The following APBA1 variants were observed in gnomAD, a reference collection of about 807,000 sequenced individuals.
The protein encoded by APBA1 is amyloid-beta A4 precursor protein-binding family A member 1.
A neutral mutation model predicts 86.6 loss-of-function variants in APBA1; 55 were observed. The ratio of observed to expected loss-of-function variants is 0.64; its 90% CI spans 0.51 to 0.80. The LOEUF is 0.80. APBA1 is among the 30% of genes least tolerant of loss of function. The pLI is 0.00. For missense variants in APBA1, 1,090 were observed against 1,183.0 expected, an observed-to-expected ratio of 0.92 and a Z score of 1.15; for synonymous variants, 511 against 493.9, an observed-to-expected ratio of 1.03 and a Z score of -0.46.
At chr9:69,566,216 T>C (rs1041344146) in intron 1 of APBA1, among the ~76,000 whole-genome samples, 7 of 152,246 alleles carry the variant, frequency 4.6e-5, no homozygotes, top group Admixed American at 4.6e-4. Context: ...TCCTGTTTTA[T>C]AGCACAGATT....
chr9:69,658,302 CTCTCTTTCTTTCTT>C lies in APBA1; in HGVS notation c.-70+13837_-70+13850del, dbSNP rs1564105005. On this transcript the variant is annotated intron_variant, in intron 1 of 12. Coordinates refer to ENST00000265381, the MANE Select transcript of APBA1 (RefSeq NM_001163.4). ...TTTCTTTCTCTCTCTCTTTCTCTCT[CTCTCTTTCTTTCTT>C]TCTTTCTTTCTTTCTTTCTTTCTTT... Among the ~76,000 whole-genome samples, 2 of 83,616 alleles carry C rather than the reference CTCTCTTTCTTTCTT, an allele frequency of 2.4e-5. 1 individual carries two copies. The highest frequency in any genetic ancestry group is 8.8e-5 in the African/African-American group (2 of 22,774). The allele number at this position is 83,616 out of a possible 152,430, so 54.9% of individuals were successfully genotyped here.
rs564422664 is a variant in APBA1 at position 69,651,478 on chromosome 9, A to AT, written c.-70+20674dup. On this transcript the variant is annotated intron_variant, in intron 1 of 12. Coordinates refer to ENST00000265381, the MANE Select transcript of APBA1 (RefSeq NM_001163.4). Reference sequence around the variant, plus strand: ...AGTAATTTAAATAATGACTGACTGTATTTTTTTTTTTCTTGAGACTGAGTT... The same window carrying AT: ...AGTAATTTAAATAATGACTGACTGTATTTTTTTTTTTTCTTGAGACTGAGTT... Among the ~76,000 whole-genome samples the AT allele has an allele frequency of 5.9e-3, 872 of 148,138 alleles. 1 individual carries two copies. Among genetic ancestry groups the AT allele is most frequent in the Middle Eastern group, 0.021 (6 of 282 alleles).
At chr9:69,506,365 TA>T (rs1164906352) in intron 2 of APBA1, among the ~76,000 whole-genome samples, 1 of 135,416 alleles carries the variant, frequency 7.4e-6, no homozygotes, top group Non-Finnish European at 1.6e-5. Context: ...CGGACCGGCT[TA>T]AAAAACCGCG....
chr9:69,575,047 GCTCAGACTA>G (rs1821758918), intron 1 of APBA1, among the ~76,000 whole-genome samples: 2 of 151,818 alleles, frequency 1.3e-5, no homozygotes, highest in Non-Finnish European at 2.9e-5. Context: ...CTCCCAAGTA[GCTCAGACTA>G]CAGGTGTGCA....
At chr9:69,637,460 T>A (rs1322409073) in intron 1 of APBA1, among the ~76,000 whole-genome samples, 2 of 152,220 alleles carry the variant, frequency 1.3e-5, no homozygotes, top group East Asian at 3.8e-4. Context: ...ATTGTATGGC[T>A]GTATCAAAAT....
chr9:69,493,563 A>G (rs999846582), intron 2 of APBA1, among the ~76,000 whole-genome samples: 1 of 152,126 alleles, frequency 6.6e-6, no homozygotes, highest in Non-Finnish European at 1.5e-5. Context: ...TAAAGATATA[A>G]TGCTACAGGA....
intron 1 of APBA1, among the ~76,000 whole-genome samples, chr9:69,613,636 A>G (rs146109631): frequency 6.6e-4 from 101 of 152,258 alleles, no homozygotes; most frequent in African/African-American, 1.9e-3. Flanking sequence ...CTCTGTTGAC[A>G]TGGCCTGACA....
chr9:69,448,327 G>A lies in APBA1; in HGVS notation c.2181+1257C>T, dbSNP rs191236231. 3.3e-5 allele frequency among the ~76,000 whole-genome samples: 5 copies of A among 152,376 alleles called. No individual in the cohort carries two copies. The East Asian group carries it at 9.6e-4, about 29-fold the overall frequency. The stretch of plus-strand genomic sequence containing the variant: ...CAGCTTCCTCAGAGCGCAGCTCAGT[G>A]CCTCACAGAGGCCCAATTAAACCTT... On this transcript the variant is annotated intron_variant, in intron 10 of 12. Transcript: ENST00000265381.
intron 1 of APBA1, among the ~76,000 whole-genome samples, chr9:69,654,789 T>C (rs780877645): frequency 2.6e-5 from 4 of 152,156 alleles, no homozygotes; most frequent in Non-Finnish European, 4.4e-5. Context: ...CTAATGAATA[T>C]AGATGCAATA....
chr9:69,665,161 A>AT (rs922079258), intron 1 of APBA1, among the ~76,000 whole-genome samples: 2 of 152,202 alleles, frequency 1.3e-5, no homozygotes, highest in East Asian at 3.9e-4. Flanking sequence ...GAAATGGTGG[A>AT]TAAAGACCCC....
intron 1 of APBA1, among the ~76,000 whole-genome samples, chr9:69,609,236 G>T (rs929368823): frequency 6.6e-6 from 1 of 152,138 alleles, no homozygotes; most frequent in Non-Finnish European, 1.5e-5. Flanking sequence ...TTATGTTTAA[G>T]AACCTGACAA....
At position 69,457,081 on chromosome 9, in the gene APBA1, C is replaced by A. The variant is rs767745301; in HGVS notation, c.1574G>T (p.Arg525Ile). The A allele has an allele frequency of 6.2e-7, 1 of 1,614,204 alleles. No homozygotes were observed. Among genetic ancestry groups the A allele is most frequent in the Admixed American group, 1.7e-5 (1 of 60,022 alleles). The change falls in exon 7 of 13, where the codon AGA becomes ATA. Residue 525 changes from arginine to isoleucine, a missense_variant. Around this residue, in one of 6 missense-constraint regions of APBA1, gnomAD observed 76 missense variants for 122.2 expected, o/e 0.62. Transcript: ENST00000265381. ...TGTGTCGGCGTTCAGCACTTTGATT[C>A]TCTGGGTAGAAATGAAGAGATCCAC... ...TEVDLFISTQRIKVLNADTQE... is the reference protein window; with the variant it reads ...TEVDLFISTQIIKVLNADTQE...
At chr9:69,570,858 T>C (rs1837104378) in intron 1 of APBA1, among the ~76,000 whole-genome samples, 1 of 152,202 alleles carries the variant, frequency 6.6e-6, no homozygotes, top group African/African-American at 2.4e-5. Context: ...GATTAGAACT[T>C]CCATTTTCCC....
intron 10 of APBA1, among the ~76,000 whole-genome samples, chr9:69,443,304 C>T (rs1236537232): frequency 6.6e-6 from 1 of 152,220 alleles, no homozygotes; most frequent in Non-Finnish European, 1.5e-5. Context: ...TGGACTACTA[C>T]TGCAGAACAA....
chr9:69,562,162 A>T (rs979361381), intron 1 of APBA1, among the ~76,000 whole-genome samples: 1 of 152,154 alleles, frequency 6.6e-6, no homozygotes, highest in Non-Finnish European at 1.5e-5. Flanking sequence ...TTATCATTAT[A>T]CAACGTATAC....
At chr9:69,470,620 G>A (rs1188392105) in intron 4 of APBA1, among the ~76,000 whole-genome samples, 2 of 152,172 alleles carry the variant, frequency 1.3e-5, no homozygotes, top group Non-Finnish European at 2.9e-5. Context: ...GGTTCATGAA[G>A]GTTTATGAGC....
At chr9:69,568,644 G>A (rs111566036) in intron 1 of APBA1, among the ~76,000 whole-genome samples, 5 of 152,280 alleles carry the variant, frequency 3.3e-5, no homozygotes, top group African/African-American at 1.2e-4. Flanking sequence ...CATTTATGAT[G>A]TGGTCATCTG....
chr9:69,546,465 C>A (rs548854776), intron 1 of APBA1, among the ~76,000 whole-genome samples: 2 of 152,256 alleles, frequency 1.3e-5, no homozygotes, highest in East Asian at 3.9e-4. Context: ...AGTAAGATAA[C>A]CAAGAGGGCG....
At chr9:69,528,599 T>C (rs892587387) in intron 1 of APBA1, among the ~76,000 whole-genome samples, 1 of 152,110 alleles carries the variant, frequency 6.6e-6, no homozygotes, top group African/African-American at 2.4e-5. Flanking sequence ...TTGAAGGTTA[T>C]ACAAACTTGG....
Sources: allele counts gnomAD v4.1 joint callset (sites outside exome capture counted in the v4.1 genomes callset), GRCh38; gene constraint gnomAD v4.1.1; regional missense constraint gnomAD v4.1.1; transcripts MANE v1.5; gene names NCBI Gene and HGNC (gene_info 2026-07-23, HGNC 2026-07-21).